The following ERMP1 variants were observed in gnomAD, a reference collection of about 807,000 sequenced individuals.
ERMP1 encodes the protein endoplasmic reticulum metallopeptidase 1, also known as Felix-ina.
Under a neutral mutation model 92.0 loss-of-function variants are expected in ERMP1, and 86 were observed. The observed-to-expected ratio is 0.93, with a 90% confidence interval of 0.79 to 1.12. The LOEUF (loss-of-function observed/expected upper bound fraction) is 1.12. ERMP1 is among the 50% of genes most tolerant of loss of function. The pLI, the probability that ERMP1 is intolerant of heterozygous loss-of-function variation, is 0.00. For synonymous variants in ERMP1, 530 were observed against 412.8 expected, an observed-to-expected ratio of 1.28 and a Z score of -3.44; for missense variants, 1,342 against 1,116.3, an observed-to-expected ratio of 1.20 and a Z score of -2.88.
chr9:5,822,435 T>C (rs1829576131), intron 4 of ERMP1, among the ~76,000 whole-genome samples: 1 of 152,170 alleles, frequency 6.6e-6, no homozygotes, highest in Admixed American at 6.5e-5. Flanking sequence ...CTCAAACGCT[T>C]AGCTAAAGTA....
At chr9:5,816,853 A>C (rs1330212378) in intron 4 of ERMP1, among the ~76,000 whole-genome samples, 1 of 152,038 alleles carries the variant, frequency 6.6e-6, no homozygotes, top group African/African-American at 2.4e-5. Context: ...GCTATAGCTA[A>C]AGTTTTGAGG....
At chr9:5,820,054 C>T (rs1336506947) in intron 4 of ERMP1, among the ~76,000 whole-genome samples, 1 of 152,150 alleles carries the variant, frequency 6.6e-6, no homozygotes, top group Non-Finnish European at 1.5e-5. Flanking sequence ...AATCCCAGCA[C>T]TTTGGGAAAC....
chr9:5,786,968 G>T lies in ERMP1; in HGVS notation c.*176C>A. On this transcript the variant is annotated 3_prime_UTR_variant, in exon 15 of 15. Coordinates refer to ENST00000339450, the MANE Select transcript of ERMP1 (RefSeq NM_024896.3). ...AAGTGTCAACAGGCCATGCATCACT[G>T]CGCCACAGCTAAACCCTTATAGTGC... 1 of 578,146 alleles carries T rather than the reference G, an allele frequency of 1.7e-6. No homozygotes were observed. The highest frequency in any genetic ancestry group is 2.9e-6 in the Non-Finnish European group (1 of 347,724). 35.8% of individuals were successfully genotyped at this position (578,146 alleles called of 1,614,324 possible).
In ERMP1 at chr9:5,805,203, A is replaced by T. The variant is rs758273759; in HGVS notation, c.1738T>A (p.Phe580Ile). Reference sequence around the variant, plus strand: ...ATCCCCAAAAGGTAAAAAGCAATAAATTTTCCTTGGGCACCTAGGGAAAAA... The same window carrying T: ...ATCCCCAAAAGGTAAAAAGCAATAATTTTTCCTTGGGCACCTAGGGAAAAA... Reference protein sequence around the residue: ...DFKQHGAQGKFIAFYLLGMFI... With the variant: ...DFKQHGAQGKIIAFYLLGMFI... The change falls in exon 10 of 15, where the codon TTT becomes ATT. Residue 580 changes from phenylalanine (F) to isoleucine (I), a missense_variant. Phe to Ile is a conservative substitution (Grantham distance 21). Coordinates refer to ENST00000339450, the MANE Select transcript of ERMP1 (RefSeq NM_024896.3). 8 of 1,605,622 alleles carry T rather than the reference A, an allele frequency of 5.0e-6. No homozygotes were observed. Among genetic ancestry groups the T allele is most frequent in the Non-Finnish European group, 5.9e-6 (7 of 1,177,528 alleles).
chr9:5,792,496 T>C (rs924518091), intron 13 of ERMP1, among the ~76,000 whole-genome samples: 1 of 152,216 alleles, frequency 6.6e-6, no homozygotes, highest in Non-Finnish European at 1.5e-5. Context: ...CTAAAAGTTT[T>C]TCAGTAAATC....
rs1489315529 is a variant in ERMP1 at position 5,839,847 on chromosome 9, G to A, written n.3200-6535C>T. Among the ~76,000 whole-genome samples the A allele has an allele frequency of 2.0e-5, 3 of 152,328 alleles. No individual in the cohort carries two copies. The East Asian group carries it at 5.8e-4, about 29-fold the overall frequency. On this transcript the variant is annotated intron_variant and non_coding_transcript_variant, in intron 6 of 6. Transcript: ENST00000690753. ...GAAAATGGCAAATATCTCTCAAAGT[G>A]TGGTCTGAGGACCATGTAATATGAG...
chr9:5,791,366 T>C, intron 13 of ERMP1: 1 of 454,258 alleles, frequency 2.2e-6, no homozygotes. Context: ...AGGTCAGTCT[T>C]TTTCTCAAGG....
At chr9:5,861,399 A>C (rs1830491203) in intron 5 of ERMP1, among the ~76,000 whole-genome samples, 1 of 151,950 alleles carries the variant, frequency 6.6e-6, no homozygotes, top group Admixed American at 6.6e-5. Context: ...GAGTTTTCAA[A>C]ATCATACTTG....
At chr9:5,812,835 T>C (rs1300854401) in intron 5 of ERMP1, 54 bp downstream of exon 5, 1 of 1,599,982 alleles carries the variant, frequency 6.3e-7, no homozygotes, top group East Asian at 2.2e-5. Flanking sequence ...AGATTTAAAA[T>C]TTGCTTTTGA....
chr9:5,855,366 G>C (rs1023234232), intron 6 of ERMP1, among the ~76,000 whole-genome samples: 3 of 152,186 alleles, frequency 2.0e-5, no homozygotes, highest in Non-Finnish European at 4.4e-5. Context: ...ACATACCAGA[G>C]AATCTGGGAG....
At chr9:5,829,476 A>G (rs752170817) in intron 2 of ERMP1, among the ~76,000 whole-genome samples, 1 of 152,216 alleles carries the variant, frequency 6.6e-6, no homozygotes, top group African/African-American at 2.4e-5. Context: ...AGAAGTGTTA[A>G]TATTACATAA....
rs778364562 is a variant in ERMP1, at chr9:5,805,113, G to A, written c.1828C>T (p.Leu610Phe). 1.2e-6 allele frequency: 2 copies of A among 1,613,474 alleles called. No homozygotes were observed. Among genetic ancestry groups the A allele is most frequent in the Admixed American group, 1.7e-5 (1 of 59,934 alleles). The change falls in exon 10 of 15, where the codon CTC becomes TTC. Residue 610 changes from leucine to phenylalanine, a missense_variant. Coordinates refer to ENST00000339450, the MANE Select transcript of ERMP1 (RefSeq NM_024896.3). ...GGGATTTCAGAACCACTTCTCCCGA[G>A]GATAGGGGTAAACATCTCAAATACT... ...WAVFEMFTPI[L>F]GRSGSEIPPD...
intron 6 of ERMP1, among the ~76,000 whole-genome samples, chr9:5,839,124 T>A (rs1830127225): frequency 6.6e-6 from 1 of 152,212 alleles, no homozygotes; most frequent in Non-Finnish European, 1.5e-5. Flanking sequence ...GTCAAAAAGC[T>A]GATCTCCAGC....
At chr9:5,859,462 C>G (rs1170033771) in intron 6 of ERMP1, among the ~76,000 whole-genome samples, 1 of 152,196 alleles carries the variant, frequency 6.6e-6, no homozygotes, top group South Asian at 2.1e-4. Context: ...AATCATGCAG[C>G]CTTACCCTGA....
chr9:5,836,677 G>A (rs73639528), upstream of ERMP1, among the ~76,000 whole-genome samples: 7 of 152,124 alleles, frequency 4.6e-5, no homozygotes, highest in Admixed American at 2.0e-4. Flanking sequence ...AAGCTTGGGC[G>A]TCAGGGTGCT....
chr9:5,791,307 G>T (rs1219103405), intron 13 of ERMP1: 1 of 456,402 alleles, frequency 2.2e-6, no homozygotes, highest in East Asian at 6.9e-5. Context: ...CACAGTATGA[G>T]ACTGAAGGCA....
At chr9:5,817,338 C>T (rs56023985) in intron 4 of ERMP1, among the ~76,000 whole-genome samples, 45,766 of 151,872 alleles carry the variant, frequency 0.3, 8,035 homozygotes, top group East Asian at 0.58. Flanking sequence ...TACAAGCGCC[C>T]GCCACCATGC....
intron 6 of ERMP1, among the ~76,000 whole-genome samples, chr9:5,852,377 C>T (rs1363452652): frequency 1.3e-5 from 2 of 151,942 alleles, no homozygotes; most frequent in African/African-American, 4.8e-5. Context: ...GACCTCCCTC[C>T]TCAGCCTCCC....
At chr9:5,863,540 C>T (rs1309762928) in intron 5 of ERMP1, among the ~76,000 whole-genome samples, 2 of 152,126 alleles carry the variant, frequency 1.3e-5, no homozygotes, top group Non-Finnish European at 2.9e-5. Context: ...GGGCAGAGTC[C>T]TCAGATGACC....
Sources: gnomAD v4.1 joint callset for allele counts (sites outside exome capture counted in the v4.1 genomes callset) on GRCh38, gnomAD v4.1.1 for gene constraint, MANE v1.5 for transcripts, NCBI Gene and HGNC (gene_info 2026-07-23, HGNC 2026-07-21) for gene names.